Variants in AOX1 observed in about 807,000 individuals in gnomAD.
The protein encoded by AOX1 is aldehyde oxidase.
A neutral mutation model predicts 169.5 loss-of-function variants in AOX1; 153 were observed. The ratio of observed to expected loss-of-function variants is 0.90; its 90% CI spans 0.79 to 1.03. The LOEUF (loss-of-function observed/expected upper bound fraction) is 1.03, where lower values mean the gene tolerates loss of function less well. AOX1 is among the 50% of genes least tolerant of loss of function. AOX1 has a pLI of 0.00. For missense variants in AOX1, 1,656 were observed against 1,663.9 expected (o/e 1.00, Z 0.08); for synonymous variants, 562 against 581.9 (o/e 0.97, Z 0.49).
rs778585898 is a variant in AOX1 at position 200,603,319 on chromosome 2, G to T, written c.551G>T (p.Gly184Val). Residue 184 changes from glycine (G) to valine (V), a missense_variant, in exon 7 of 35, where the codon GGA becomes GTA. Physicochemically the swap from Gly to Val is moderately radical, Grantham distance 109. Coordinates refer to ENST00000374700, the MANE Select transcript of AOX1 (RefSeq NM_001159.4). ...KENGVCCLDQ[G>V]INGLPEFEEG... is the part of the protein sequence containing the mutation. ...AATGGGGTTTGCTGTTTGGATCAAG[G>T]AATCAATGGATTGCCAGAATTTGAG... is the stretch of plus-strand genomic sequence containing the variant. 2 of 1,613,900 alleles carry T rather than the reference G, an allele frequency of 1.2e-6. No homozygotes were observed. Among genetic ancestry groups the T allele is most frequent in the African/African-American group, 2.7e-5 (2 of 74,924 alleles).
rs756110198 is a variant in AOX1 at position 200,586,081 on chromosome 2, G to C, written c.-28G>C. On this transcript the variant is annotated 5_prime_UTR_variant, in exon 1 of 35. Transcript: ENST00000374700. ...TCCCAGAACCTCCGCCTCCCGCTCC[G>C]GGCCCTCGAACCAGCGCGGACACCA... is the stretch of plus-strand genomic sequence containing the variant. 22 of 1,549,806 alleles carry C rather than the reference G, an allele frequency of 1.4e-5. No homozygotes were observed. The South Asian group carries it at 1.8e-4, about 13-fold the overall frequency.
At chr2:200,673,819 C>G (rs1302952751), downstream of AOX1, among the ~76,000 whole-genome samples, 1 of 152,288 alleles carries the variant, frequency 6.6e-6, no homozygotes, top group Non-Finnish European at 1.5e-5. Context: ...TGTTCCCTTC[C>G]CTTTTCCTGT....
rs1433708120 is a variant in AOX1 at position 200,669,625 on chromosome 2, C to T, written c.3849C>T (p.Ile1283=). 1 of 1,613,806 alleles carries T rather than the reference C, an allele frequency of 6.2e-7. No individual in the cohort carries two copies. Among genetic ancestry groups the T allele is most frequent in the Non-Finnish European group, 8.5e-7 (1 of 1,179,964 alleles). The change falls in exon 34 of 35, where the codon ATC becomes ATT. Residue 1283 remains isoleucine (I), a synonymous_variant. Transcript: ENST00000374700. Reference sequence around the variant, plus strand: ...TGGGGTGTTCCGTGTTTTTCGCTATCCATGACGCAGTGAGTGCAGCACGAC... The same window carrying T: ...TGGGGTGTTCCGTGTTTTTCGCTATTCATGACGCAGTGAGTGCAGCACGAC... ...VFLGCSVFFA[I]HDAVSAARQE...
intron 31 of AOX1, among the ~76,000 whole-genome samples, chr2:200,664,080 T>C (rs1021900835): frequency 5.3e-5 from 8 of 152,106 alleles, no homozygotes; most frequent in African/African-American, 1.9e-4. Context: ...CTAGCAGCCC[T>C]ACACTACTAG....
intron 29 of AOX1, among the ~76,000 whole-genome samples, chr2:200,660,381 T>C (rs1166598102): frequency 6.6e-6 from 1 of 152,256 alleles, no homozygotes; most frequent in Non-Finnish European, 1.5e-5. Flanking sequence ...ATAATAACTG[T>C]ACATCTGTTT....
chr2:200,599,842 C>T (rs12993144), intron 5 of AOX1, 96 bp downstream of exon 5: 412,565 of 1,067,254 alleles, frequency 0.39, 81,625 homozygotes, highest in Non-Finnish European at 0.4. Context: ...TGGAGGGCGG[C>T]GGCGCAATCT....
intron 26 of AOX1, among the ~76,000 whole-genome samples, chr2:200,653,720 A>G (rs963425324): frequency 6.6e-6 from 1 of 152,294 alleles, no homozygotes. Context: ...CACTTCCTAG[A>G]TGCTGCATTT....
chr2:200,649,517 T>C (rs1246012280), intron 25 of AOX1, among the ~76,000 whole-genome samples: 3 of 152,132 alleles, frequency 2.0e-5, no homozygotes, highest in African/African-American at 7.2e-5. Context: ...CTCTCAGGAT[T>C]ATTGCTTTGT....
chr2:200,596,292 C>G (rs781763585), intron 3 of AOX1, among the ~76,000 whole-genome samples: 12 of 152,204 alleles, frequency 7.9e-5, no homozygotes, highest in Non-Finnish European at 1.3e-4. Flanking sequence ...TTTCTCTTTG[C>G]TTACCTCTCT....
At chr2:200,663,599 C>CCCG (rs1553579868) in intron 31 of AOX1, among the ~76,000 whole-genome samples, 2 of 151,864 alleles carry the variant, frequency 1.3e-5, no homozygotes, top group African/African-American at 2.4e-5. Context: ...CTCTCTCTCC[C>CCCG]CCTCTTTCTG....
In AOX1 at chr2:200,670,724, T is replaced by TACATAAAGAGCTCTTACAACTCAATAAAA; in HGVS notation, c.*45_*46insACATAAAGAGCTCTTACAACTCAATAAAA. 1 of 1,479,630 alleles carries TACATAAAGAGCTCTTACAACTCAATAAAA rather than the reference T, an allele frequency of 6.8e-7. No homozygotes were observed. Among genetic ancestry groups the TACATAAAGAGCTCTTACAACTCAATAAAA allele is most frequent in the Non-Finnish European group, 9.4e-7 (1 of 1,060,130 alleles). 91.7% of individuals were successfully genotyped at this position (1,479,630 alleles called of 1,614,324 possible). ...AGAAAACAGAGTGCCTCTTCCCAGA[T>TACATAAAGAGCTCTTACAACTCAATAAAA]GGCAATCTGTCCTATCTCTGTGCTG... On this transcript the variant is annotated 3_prime_UTR_variant, in exon 35 of 35. Transcript: ENST00000374700.
intron 16 of AOX1, among the ~76,000 whole-genome samples, chr2:200,617,086 A>G (rs2034773816): frequency 1.3e-5 from 2 of 152,258 alleles, no homozygotes; most frequent in Admixed American, 6.5e-5. Flanking sequence ...CTTCAGAAAG[A>G]AACAACAACA....
chr2:200,679,344 C>T (rs576653346), downstream of AOX1: 1 of 152,070 alleles, frequency 6.6e-6, no homozygotes, highest in South Asian at 2.1e-4. Context: ...GCCTGGTGCC[C>T]GCCTCCTTTT....
intron 34 of AOX1, 114 bp from the exon 35 acceptor site, chr2:200,670,515 G>A (rs1363903458): frequency 8.6e-6 from 7 of 814,592 alleles, no homozygotes; most frequent in Non-Finnish European, 1.5e-5. Context: ...TCCCTGACCT[G>A]TCATGGCCCT....
intron 25 of AOX1, among the ~76,000 whole-genome samples, chr2:200,647,101 G>A (rs577972246): frequency 6.6e-6 from 1 of 151,660 alleles, no homozygotes; most frequent in Non-Finnish European, 1.5e-5. Flanking sequence ...CATTGCATTT[G>A]CCATGCTTTT....
In AOX1 at chr2:200,634,919, A is replaced by G; in HGVS notation, c.2346+4A>G. Reference sequence around the variant, plus strand: ...ACAGTTTCCCAAATATATACAGGTAACATGGGGCCATTGTGGAGAGGACAT... The same window carrying G: ...ACAGTTTCCCAAATATATACAGGTAGCATGGGGCCATTGTGGAGAGGACAT... On this transcript the variant is annotated splice_donor_region_variant and intron_variant, in intron 21 of 34. Coordinates refer to ENST00000374700, the MANE Select transcript of AOX1 (RefSeq NM_001159.4). 6.2e-7 allele frequency: 1 copy of G among 1,613,852 alleles called. No individual in the cohort carries two copies. Among genetic ancestry groups the G allele is most frequent in the African/African-American group, 1.3e-5 (1 of 75,044 alleles).
At chr2:200,620,026 G>C (rs1454745809) in intron 16 of AOX1, among the ~76,000 whole-genome samples, 1 of 152,072 alleles carries the variant, frequency 6.6e-6, no homozygotes, top group African/African-American at 2.4e-5. Context: ...ATTTTGTATT[G>C]TCAAGAAGAA....
At chr2:200,603,205 C>T (rs1169640695) in intron 6 of AOX1, 62 bp from the exon 7 acceptor site, 1 of 1,339,730 alleles carries the variant, frequency 7.5e-7, no homozygotes, top group African/African-American at 1.4e-5. Context: ...CATTCACCTG[C>T]TTTATTTACT....
intron 1 of AOX1, among the ~76,000 whole-genome samples, chr2:200,588,790 A>G (rs1300061662): frequency 1.6e-5 from 2 of 125,794 alleles, no homozygotes; most frequent in Non-Finnish European, 3.1e-5. Flanking sequence ...AGCTGGGACT[A>G]TGAAACTGCA....
Sources: allele counts gnomAD v4.1 joint callset (sites outside exome capture counted in the v4.1 genomes callset), GRCh38; gene constraint gnomAD v4.1.1; transcripts MANE v1.5; gene names NCBI Gene and HGNC (gene_info 2026-07-23, HGNC 2026-07-21).